The following BIRC7 variants were observed in gnomAD, a reference collection of about 807,000 sequenced individuals.
BIRC7 encodes baculoviral IAP repeat-containing protein 7.
Under a neutral mutation model 33.2 loss-of-function variants are expected in BIRC7, and 26 were observed. The ratio of observed to expected loss-of-function variants is 0.78; its 90% CI spans 0.57 to 1.09. BIRC7 has a LOEUF of 1.09. Among genes scored for constraint, BIRC7 ranks in the 50% least tolerant of loss-of-function variants. The pLI is 0.00. For missense variants in BIRC7, 409 were observed against 401.2 expected, an observed-to-expected ratio of 1.02 and a Z score of -0.17; for synonymous variants, 176 against 171.0, an observed-to-expected ratio of 1.03 and a Z score of -0.23.
rs202043692 is a variant in BIRC7, at chr20:63,238,581, G to A, written c.544G>A (p.Glu182Lys). 9 of 1,613,090 alleles carry A rather than the reference G, an allele frequency of 5.6e-6. No homozygotes were observed. Among genetic ancestry groups the A allele is most frequent in the Non-Finnish European group, 7.6e-6 (9 of 1,179,988 alleles). ...QLLGSWDPWE[E>K]PEDAAPVAPS... ...TGGCTCCTTCCAGGACCCGTGGGAAGAACCGGAAGACGCAGCCCCTGTGGC... is the reference window on the plus strand; with the variant it reads ...TGGCTCCTTCCAGGACCCGTGGGAAAAACCGGAAGACGCAGCCCCTGTGGC... Residue 182 changes from glutamate to lysine, a missense_variant, in exon 4 of 7, where the codon GAA becomes AAA. Coordinates refer to ENST00000217169, the MANE Select transcript of BIRC7 (RefSeq NM_139317.3).
At chr20:63,239,112 C>CGGCTTT in intron 4 of BIRC7, 50 bp from the exon 5 acceptor site, 1 of 1,581,828 alleles carries the variant, frequency 6.3e-7, no homozygotes, top group Non-Finnish European at 8.7e-7. Context: ...TGGGCCGGCC[C>CGGCTTT]AGCTTTCTCC....
chr20:63,236,007 G>A lies in BIRC7; in HGVS notation c.-90G>A. ...CCCCAGGGTGGGCCCCGGGGGTCAG[G>A]AGCTCCAGAAGGGCCAGCTGGGCAT... On this transcript the variant is annotated 5_prime_UTR_variant, in exon 1 of 7. Coordinates refer to ENST00000217169, the MANE Select transcript of BIRC7 (RefSeq NM_139317.3). 5 of 1,437,814 alleles carry A rather than the reference G, an allele frequency of 3.5e-6. No homozygotes were observed. The highest frequency in any genetic ancestry group is 4.6e-6 in the Non-Finnish European group (5 of 1,080,412). The allele number at this position is 1,437,814 out of a possible 1,614,324, so 89.1% of individuals were successfully genotyped here.
chr20:63,239,027 T>C, intron 4 of BIRC7, 135 bp from the exon 5 acceptor site: 1 of 879,806 alleles, frequency 1.1e-6, no homozygotes, highest in Non-Finnish European at 1.8e-6. Flanking sequence ...TGGGAAGAAG[T>C]GTCGGGAGCG....
rs769942146 is a variant in BIRC7, at chr20:63,237,852, C to T, written c.350-51C>T. ...TAGCCTTGGAAGGACACACCGGGGGCCCGGGGACTGGGTGGGACTTGGCTG... is the reference window on the plus strand; with the variant it reads ...TAGCCTTGGAAGGACACACCGGGGGTCCGGGGACTGGGTGGGACTTGGCTG... On this transcript the variant is annotated intron_variant, in intron 1 of 6. Transcript: ENST00000217169. The T allele has an allele frequency of 2.0e-5, 30 of 1,500,706 alleles. No homozygotes were observed. In the African/African-American group the frequency reaches 3.6e-4, roughly 18 times the overall value. The allele number at this position is 1,500,706 out of a possible 1,614,324, so 93.0% of individuals were successfully genotyped here. A position where few individuals can be genotyped will look rare whatever the true frequency, so the allele number is the denominator to read the frequency against.
rs768567221 is a variant in BIRC7, at chr20:63,238,444, G to T, written c.498G>T (p.Val166=). 1 of 1,612,570 alleles carries T rather than the reference G, an allele frequency of 6.2e-7. No individual in the cohort carries two copies. Among genetic ancestry groups the T allele is most frequent in the Non-Finnish European group, 8.5e-7 (1 of 1,179,964 alleles). Residue 166 remains valine, a synonymous_variant, in exon 3 of 7, where the codon GTG becomes GTT. Coordinates refer to ENST00000217169, the MANE Select transcript of BIRC7 (RefSeq NM_139317.3). ...RSKGRDFVHS[V]QETHSQLLGS... is the part of the protein sequence containing the mutation. ...AAGGAAGAGACTTTGTCCACAGTGT[G>T]CAGGAGACTCACTCCCAGCTGCTGG...
Position 63,236,215 on chromosome 20 carries a change from T to C in BIRC7, c.119T>C (p.Leu40Pro), listed in dbSNP as rs1398992675. 1.3e-6 allele frequency: 2 copies of C among 1,590,374 alleles called. No individual in the cohort carries two copies. The highest frequency in any genetic ancestry group is 3.5e-5 in the Admixed American group (2 of 56,724). ...CCCCGCTCTCTGGGCAGCCCTGTCC[T>C]AGGCCTGGACACCTGCAGAGCCTGG... ...CGPRSLGSPV[L>P]GLDTCRAWDH... The change falls in exon 1 of 7, where the codon CTA becomes CCA. Residue 40 changes from leucine (L) to proline (P), a missense_variant. Physicochemically the swap from Leu to Pro is moderately conservative, Grantham distance 98 (BLOSUM62 -3). Transcript: ENST00000217169.
intron 6 of BIRC7, among the ~76,000 whole-genome samples, chr20:63,240,017 C>G (rs577634871): frequency 3.1e-4 from 47 of 152,346 alleles, no homozygotes; most frequent in Non-Finnish European, 4.9e-4. Context: ...AACACCTGCA[C>G]GGGAAGGGGG....
In BIRC7 at chr20:63,235,988, G is replaced by C. The variant is rs1356706107; in HGVS notation, c.-109G>C. 20 of 1,367,894 alleles carry C rather than the reference G, an allele frequency of 1.5e-5. No individual in the cohort carries two copies. The highest frequency in any genetic ancestry group is 2.0e-5 in the Non-Finnish European group (20 of 1,022,356). The allele number at this position is 1,367,894 out of a possible 1,614,324, so 84.7% of individuals were successfully genotyped here. On this transcript the variant is annotated 5_prime_UTR_variant, in exon 1 of 7. Transcript: ENST00000217169. ...CTGTGCCTATCCCTGCTGTCCCCAG[G>C]GTGGGCCCCGGGGGTCAGGAGCTCC... is the stretch of plus-strand genomic sequence containing the variant.
Position 63,236,410 on chromosome 20 carries a change from C to G in BIRC7, c.314C>G (p.Pro105Arg). 1 of 1,551,594 alleles carries G rather than the reference C, an allele frequency of 6.4e-7. No individual in the cohort carries two copies. Among genetic ancestry groups the G allele is most frequent in the Non-Finnish European group, 8.7e-7 (1 of 1,146,936 alleles). The change falls in exon 1 of 7, where the codon CCC (proline) becomes CGC (arginine). Residue 105 changes from proline to arginine, a missense_variant. Pro to Arg is a moderately radical substitution (Grantham distance 103). Transcript: ENST00000217169. ...TGGCCGCTGACTGCTGAGGTGCCAC[C>G]CGAGCTGCTGGCTGCTGCCGGCTTC... ...YDWPLTAEVP[P>R]ELLAAAGFFH...
chr20:63,236,313 G>A lies in BIRC7; in HGVS notation c.217G>A (p.Ala73Thr), dbSNP rs764398536. The change falls in exon 1 of 7, where the codon GCC becomes ACC. Residue 73 changes from alanine to threonine, a missense_variant. Transcript: ENST00000217169. The part of the protein sequence containing the change: ...TEEEEEEGAG[A>T]TLSRGPAFPG... ...GGAGGAAGAGGAGGAGGGCGCCGGGGCCACCTTGTCCAGGGGGCCTGCCTT... is the reference window on the plus strand; with the variant it reads ...GGAGGAAGAGGAGGAGGGCGCCGGGACCACCTTGTCCAGGGGGCCTGCCTT... 7.5e-6 allele frequency: 12 copies of A among 1,609,856 alleles called. No homozygotes were observed. Among genetic ancestry groups the A allele is most frequent in the Non-Finnish European group, 1.0e-5 (12 of 1,178,104 alleles).
intron 6 of BIRC7, among the ~76,000 whole-genome samples, chr20:63,239,999 A>G (rs1476928128): frequency 6.6e-6 from 1 of 152,236 alleles, no homozygotes; most frequent in Non-Finnish European, 1.5e-5. Flanking sequence ...GGGCCAAGGC[A>G]TGGTGGGAAC....
At chr20:63,239,675 C>CGGCCCT (rs2066721481) in intron 6 of BIRC7, 65 bp downstream of exon 6, 2 of 1,513,172 alleles carry the variant, frequency 1.3e-6, no homozygotes, top group African/African-American at 2.8e-5. Flanking sequence ...CGGCTGTGCC[C>CGGCCCT]GGCCCTCCTG....
At position 63,236,339 on chromosome 20, in the gene BIRC7, C is replaced by A; in HGVS notation, c.243C>A (p.Phe81Leu). The A allele has an allele frequency of 6.2e-7, 1 of 1,604,314 alleles. No individual in the cohort carries two copies. Among genetic ancestry groups the A allele is most frequent in the Non-Finnish European group, 8.5e-7 (1 of 1,173,918 alleles). ...CCACCTTGTCCAGGGGGCCTGCCTT[C>A]CCCGGCATGGGCTCTGAGGAGTTGC... The part of the protein sequence containing the change: ...AGATLSRGPA[F>L]PGMGSEELRL... Residue 81 changes from phenylalanine to leucine, a missense_variant, in exon 1 of 7, where the codon TTC becomes TTA. Physicochemically the swap from Phe to Leu is conservative, Grantham distance 22. Transcript: ENST00000217169.
chr20:63,239,280 T>C lies in BIRC7; in HGVS notation c.649+47T>C, dbSNP rs1225883024. ...GGTGAGGGCTGGGGCAGGGGAGGGC[T>C]GAGGGACCCCGACCTTCCATGGCCC... On this transcript the variant is annotated intron_variant, in intron 5 of 6. Transcript: ENST00000217169. 2.5e-6 allele frequency: 4 copies of C among 1,608,952 alleles called. No individual in the cohort carries two copies. In the South Asian group the frequency reaches 4.4e-5, roughly 18 times the overall value.
intron 1 of BIRC7, 48 bp from the exon 2 acceptor site, chr20:63,237,854 CG>C: frequency 4.6e-6 from 7 of 1,515,082 alleles, no homozygotes; most frequent in South Asian, 1.3e-5. Flanking sequence ...ACCGGGGGCC[CG>C]GGGACTGGGT....
At chr20:63,239,108 G>A (rs770641637) in intron 4 of BIRC7, 54 bp from the exon 5 acceptor site, 44 of 1,568,978 alleles carry the variant, frequency 2.8e-5, no homozygotes, top group East Asian at 4.5e-5. Context: ...TATCTGGGCC[G>A]GCCCAGCTTT....
At chr20:63,238,366 C>T (rs1028256660) in intron 2 of BIRC7, 30 bp from the exon 3 acceptor site, 1 of 1,610,680 alleles carries the variant, frequency 6.2e-7, no homozygotes, top group South Asian at 1.1e-5. Context: ...GGGCCCTGAA[C>T]CCCAACCTAC....
Position 63,236,148 on chromosome 20 carries a change from C to A in BIRC7, c.52C>A (p.His18Asn). The A allele has an allele frequency of 6.3e-7, 1 of 1,591,378 alleles. No individual in the cohort carries two copies. Among genetic ancestry groups the A allele is most frequent in the Non-Finnish European group, 8.6e-7 (1 of 1,168,242 alleles). Reference sequence around the variant, plus strand: ...CCTGCACCGTGGACCACAGCCGAGCCACTGGGCAGCCGGTGATGGTCCCAC... The same window carrying A: ...CCTGCACCGTGGACCACAGCCGAGCAACTGGGCAGCCGGTGATGGTCCCAC... ...KCLHRGPQPS[H>N]WAAGDGPTQE... Residue 18 changes from histidine (H) to asparagine (N), a missense_variant, in exon 1 of 7, where the codon CAC becomes AAC. His to Asn is a moderately conservative substitution (Grantham distance 68). Transcript: ENST00000217169.
intron 1 of BIRC7, 61 bp from the exon 2 acceptor site, chr20:63,237,842 A>C: frequency 1.4e-6 from 2 of 1,442,620 alleles, no homozygotes; most frequent in South Asian, 1.3e-5. Flanking sequence ...TTGGAAGGAC[A>C]CACCGGGGGC....
Sources: allele counts gnomAD v4.1 joint callset (sites outside exome capture counted in the v4.1 genomes callset), GRCh38; gene constraint gnomAD v4.1.1; transcripts MANE v1.5; gene names NCBI Gene and HGNC (gene_info 2026-07-23, HGNC 2026-07-21).